DOCK7: variants seen among roughly 807,000 people sequenced by gnomAD.
The protein encoded by DOCK7 is dedicator of cytokinesis 7.
In DOCK7, 138 loss-of-function variants were observed where a neutral mutation model predicts 271.0. That is an observed-to-expected ratio of 0.51 (90% CI 0.44 to 0.59). The LOEUF is 0.59. Among genes scored for constraint, DOCK7 ranks in the 20% least tolerant of loss-of-function variants. The pLI, the probability that DOCK7 is intolerant of heterozygous loss-of-function variation, is 0.00. For synonymous variants in DOCK7, 823 were observed against 876.1 expected (o/e 0.94, Z 1.07); for missense variants, 2,066 against 2,592.4 (o/e 0.80, Z 4.41).
chr1:62,459,698 A>C lies in DOCK7; in HGVS notation c.6213-1993T>G, dbSNP rs1279173302. ...GGCAATAATCCTAAAATAATCCAAT[A>C]GGTTGAAACAACTGTCACAAATCTA... is the stretch of plus-strand genomic sequence containing the variant. On this transcript the variant is annotated intron_variant, in intron 48 of 49. Coordinates refer to ENST00000635253, the MANE Select transcript of DOCK7 (RefSeq NM_001367561.1). Among the ~76,000 whole-genome samples the C allele has an allele frequency of 2.6e-5, 4 of 152,308 alleles. No homozygotes were observed. In the East Asian group the frequency reaches 7.7e-4, roughly 29 times the overall value.
chr1:62,665,828 C>T (rs538869124), intron 1 of DOCK7, among the ~76,000 whole-genome samples: 1 of 151,082 alleles, frequency 6.6e-6, no homozygotes, highest in African/African-American at 2.4e-5. Context: ...GGGGCTAAAT[C>T]ATGAGTAAAC....
At chr1:62,613,135 T>G (rs1652003894) in intron 14 of DOCK7, among the ~76,000 whole-genome samples, 1 of 152,174 alleles carries the variant, frequency 6.6e-6, no homozygotes, top group African/African-American at 2.4e-5. Flanking sequence ...AATAAAAGAT[T>G]TTTTTCACCA....
intron 43 of DOCK7, chr1:62,478,731 T>C (rs983358928): frequency 2.6e-5 from 4 of 151,848 alleles, no homozygotes; most frequent in Non-Finnish European, 5.9e-5. Flanking sequence ...AATTTTTATG[T>C]AGAAGAGTTA....
rs751673756 is a variant in DOCK7, at chr1:62,505,779, C to T, written c.4514G>A (p.Gly1505Asp). ...SVTESKESIL[G>D]GVLKVLLHSM... ...GTGTAGTAGCACTTTTAGCACTCCA[C>T]CAAGAATGCTCTCTTTGGATTCCGT... Residue 1505 changes from glycine (G) to aspartate (D), a missense_variant, in exon 36 of 50, where the codon GGT becomes GAT. This residue lies in a region of DOCK7 where 652 missense variants were observed against 922.1 expected (regional missense o/e 0.71). Transcript: ENST00000635253. 71 of 1,612,980 alleles carry T rather than the reference C, an allele frequency of 4.4e-5. 2 individuals are homozygous for T. In the South Asian group the frequency reaches 7.6e-4, roughly 17 times the overall value.
At chr1:62,607,327 GT>G (rs1485138786) in intron 14 of DOCK7, among the ~76,000 whole-genome samples, 1 of 152,090 alleles carries the variant, frequency 6.6e-6, no homozygotes, top group African/African-American at 2.4e-5. Context: ...TGACCAGCAT[GT>G]TCCCAGTCAC....
At chr1:62,574,786 T>A (rs1313037431) in intron 18 of DOCK7, among the ~76,000 whole-genome samples, 1 of 152,196 alleles carries the variant, frequency 6.6e-6, no homozygotes, top group Non-Finnish European at 1.5e-5. Flanking sequence ...TGGAGTGCAG[T>A]GGCACAATCT....
chr1:62,484,272 C>G (rs1200616912), intron 43 of DOCK7: 1 of 151,760 alleles, frequency 6.6e-6, no homozygotes, highest in Non-Finnish European at 1.5e-5. Context: ...CCTTAGGGAT[C>G]TAGTAGAGAT....
At chr1:62,631,821 C>T (rs1654664137) in intron 10 of DOCK7, among the ~76,000 whole-genome samples, 1 of 152,100 alleles carries the variant, frequency 6.6e-6, no homozygotes, top group Non-Finnish European at 1.5e-5. Context: ...GAAATAGTCC[C>T]TAACATATAA....
chr1:62,538,384 G>A (rs1274870332), intron 27 of DOCK7, among the ~76,000 whole-genome samples: 2 of 152,072 alleles, frequency 1.3e-5, no homozygotes, highest in Admixed American at 1.3e-4. Context: ...CTTCTTAAAA[G>A]AAATTATCAA....
At chr1:62,518,852 C>T (rs1644756709) in intron 31 of DOCK7, among the ~76,000 whole-genome samples, 1 of 151,044 alleles carries the variant, frequency 6.6e-6, no homozygotes, top group Non-Finnish European at 1.5e-5. Flanking sequence ...TTTAATTAAA[C>T]TAAATGTAAA....
intron 27 of DOCK7, 30 bp downstream of exon 27, chr1:62,539,515 G>A: frequency 6.6e-7 from 1 of 1,504,230 alleles, no homozygotes; most frequent in South Asian, 1.2e-5. Flanking sequence ...TAAATTATTT[G>A]ATTACTAATT....
chr1:62,515,348 A>G (rs1037309475), intron 31 of DOCK7, among the ~76,000 whole-genome samples: 1 of 152,176 alleles, frequency 6.6e-6, no homozygotes, highest in African/African-American at 2.4e-5. Flanking sequence ...GCTGGGCACA[A>G]AAGAACTTTG....
chr1:62,502,034 TA>T, intron 37 of DOCK7, among the ~76,000 whole-genome samples: 1 of 152,128 alleles, frequency 6.6e-6, no homozygotes, highest in African/African-American at 2.4e-5. Flanking sequence ...AGAAAGGAAT[TA>T]AAAATTAATT....
At chr1:62,560,737 T>C (rs998927560) in intron 19 of DOCK7, among the ~76,000 whole-genome samples, 6 of 152,174 alleles carry the variant, frequency 3.9e-5, no homozygotes, top group Admixed American at 2.0e-4. Context: ...TTTCTCTGAG[T>C]AGTAAATGGC....
At chr1:62,567,444 A>G (rs188606453) in intron 18 of DOCK7, among the ~76,000 whole-genome samples, 2 of 152,258 alleles carry the variant, frequency 1.3e-5, no homozygotes, top group East Asian at 3.9e-4. Flanking sequence ...AACTAACTCA[A>G]GAACAGAAAA....
At chr1:62,559,292 G>T in intron 19 of DOCK7, 72 bp from the exon 20 acceptor site, 1 of 1,133,282 alleles carries the variant, frequency 8.8e-7, no homozygotes, top group Non-Finnish European at 1.3e-6. Flanking sequence ...AAGGACCACG[G>T]ACCACAAACA....
chr1:62,673,546 A>C (rs932077162), intron 1 of DOCK7, among the ~76,000 whole-genome samples: 20 of 152,208 alleles, frequency 1.3e-4, no homozygotes, highest in African/African-American at 4.1e-4. Flanking sequence ...GCAATTAAAA[A>C]CAGAGAGAAA....
chr1:62,490,733 G>A (rs775118193), intron 41 of DOCK7, among the ~76,000 whole-genome samples: 3 of 152,046 alleles, frequency 2.0e-5, no homozygotes. Flanking sequence ...GCACTATTGT[G>A]AATTATTAAA....
intron 43 of DOCK7, 104 bp from the exon 44 acceptor site, chr1:62,477,929 C>CA (rs943350282): frequency 1.0e-5 from 13 of 1,277,456 alleles, no homozygotes; most frequent in African/African-American, 1.5e-5. Flanking sequence ...CAAAACATTG[C>CA]AAAAAGTTTT....
Sources: allele counts gnomAD v4.1 joint callset (sites outside exome capture counted in the v4.1 genomes callset), GRCh38; gene constraint gnomAD v4.1.1; regional missense constraint gnomAD v4.1.1; transcripts MANE v1.5; gene names NCBI Gene and HGNC (gene_info 2026-07-23, HGNC 2026-07-21).